The following PSME3IP1 variants were observed in gnomAD, a reference collection of about 807,000 sequenced individuals.
The protein encoded by PSME3IP1 is PSME3-interacting protein.
PSME3IP1 carries 13 observed loss-of-function variants against 34.1 expected under a neutral mutation model. The ratio of observed to expected loss-of-function variants is 0.38; its 90% CI spans 0.25 to 0.61. The LOEUF (loss-of-function observed/expected upper bound fraction) is 0.61. Ranked by LOEUF, PSME3IP1 falls within the 20% of genes least tolerant of loss-of-function variation. The pLI, the probability that PSME3IP1 is intolerant of heterozygous loss-of-function variation, is 0.60. For synonymous variants in PSME3IP1, 93 were observed against 114.3 expected, an observed-to-expected ratio of 0.81 and a Z score of 1.19; for missense variants, 237 against 301.4, an observed-to-expected ratio of 0.79 and a Z score of 1.58.
Position 57,185,954 on chromosome 16 carries a change from G to GA in PSME3IP1, c.-150dup. 3.1e-6 allele frequency: 3 copies of GA among 980,990 alleles called. No individual in the cohort carries two copies. Among genetic ancestry groups the GA allele is most frequent in the Non-Finnish European group, 3.6e-6 (3 of 827,836 alleles). The allele number at this position is 980,990 out of a possible 1,614,324, so 60.8% of individuals were successfully genotyped here. A position where few individuals can be genotyped will look rare whatever the true frequency, so the allele number is the denominator to read the frequency against. The stretch of plus-strand genomic sequence containing the variant: ...GAAAGAAACAGAGGAAGGAATGAAT[G>GA]AAAGAAAGAAAAAAAAAAAGAAAAT... On this transcript the variant is annotated 5_prime_UTR_variant, in exon 1 of 7. Coordinates refer to ENST00000309137, the MANE Select transcript of PSME3IP1 (RefSeq NM_024946.4).
At chr16:57,162,003 C>T (rs1597613953) in intron 6 of PSME3IP1, among the ~76,000 whole-genome samples, 1 of 152,046 alleles carries the variant, frequency 6.6e-6, no homozygotes, top group African/African-American at 2.4e-5. Flanking sequence ...CTCCCAGGTT[C>T]AAACGATTCT....
intron 6 of PSME3IP1, among the ~76,000 whole-genome samples, chr16:57,162,835 T>C (rs976416632): frequency 1.3e-5 from 2 of 152,060 alleles, no homozygotes; most frequent in South Asian, 2.1e-4. Context: ...ATATTTACAA[T>C]TGCTTGCACA....
rs566825718 is a variant in PSME3IP1 at position 57,174,655 on chromosome 16, C to G, written c.-15-786G>C. Reference sequence around the variant, plus strand: ...CTCCAAGTAGATTAAGATGGAGAATCTCAGCTATTGAAGACTTAGTGTTCA... The same window carrying G: ...CTCCAAGTAGATTAAGATGGAGAATGTCAGCTATTGAAGACTTAGTGTTCA... On this transcript the variant is annotated intron_variant, in intron 1 of 6. Transcript: ENST00000309137. 62 of 985,454 alleles carry G rather than the reference C, an allele frequency of 6.3e-5. No homozygotes were observed. The African/African-American group carries it at 1.0e-3, about 16-fold the overall frequency. 61.0% of individuals were successfully genotyped at this position (985,454 alleles called of 1,614,324 possible).
At chr16:57,162,486 G>T (rs1295047881) in intron 6 of PSME3IP1, among the ~76,000 whole-genome samples, 1 of 151,784 alleles carries the variant, frequency 6.6e-6, no homozygotes, top group African/African-American at 2.4e-5. Context: ...CCAACATGGC[G>T]AAATCCCGTC....
At position 57,185,711 on chromosome 16, in the gene PSME3IP1, G is replaced by A. The variant is rs986490636; in HGVS notation, c.-16+110C>T. The A allele has an allele frequency of 2.6e-5, 26 of 985,380 alleles. No homozygotes were observed. In the African/African-American group the frequency reaches 4.2e-4, roughly 16 times the overall value. 61.0% of individuals were successfully genotyped at this position (985,380 alleles called of 1,614,324 possible). On this transcript the variant is annotated intron_variant, in intron 1 of 6. Coordinates refer to ENST00000309137, the MANE Select transcript of PSME3IP1 (RefSeq NM_024946.4). ...ACTCCGGACAAGGAGCGGGTGCGCG[G>A]ACTGAGAACAGGCCTGGCCCTAACC...
At chr16:57,185,678 C>T (rs1464874110) in intron 1 of PSME3IP1, 143 bp downstream of exon 1, 2 of 985,450 alleles carry the variant, frequency 2.0e-6, no homozygotes, top group African/African-American at 3.5e-5. Context: ...AAGCCCCAGG[C>T]TTCGGCTACT....
At chr16:57,162,059 A>G (rs2071317181) in intron 6 of PSME3IP1, among the ~76,000 whole-genome samples, 1 of 152,042 alleles carries the variant, frequency 6.6e-6, no homozygotes, top group Non-Finnish European at 1.5e-5. Flanking sequence ...CATAGCCAGC[A>G]GCCCGACTAA....
intron 1 of PSME3IP1, among the ~76,000 whole-genome samples, chr16:57,177,755 T>C (rs1197054415): frequency 6.6e-6 from 1 of 152,144 alleles, no homozygotes; most frequent in Non-Finnish European, 1.5e-5. Flanking sequence ...CTCATGCCTA[T>C]AATCCCAACA....
chr16:57,184,917 T>C (rs1371793523), intron 1 of PSME3IP1, among the ~76,000 whole-genome samples: 2 of 152,256 alleles, frequency 1.3e-5, no homozygotes, highest in Non-Finnish European at 2.9e-5. Context: ...GTCGGCTCAA[T>C]ACTTTGTATC....
At position 57,174,023 on chromosome 16, in the gene PSME3IP1, C is replaced by T. The variant is rs184770519; in HGVS notation, c.-15-154G>A. The T allele has an allele frequency of 1.7e-4, 125 of 744,948 alleles. 2 individuals carry two copies. Among genetic ancestry groups the T allele is most frequent in the East Asian group, 1.1e-3 (37 of 32,936 alleles). 46.1% of individuals were successfully genotyped at this position (744,948 alleles called of 1,614,324 possible). A position where few individuals can be genotyped will look rare whatever the true frequency, so the allele number is the denominator to read the frequency against. ...AATTGAAAAAATTCTCGGCCGGGTG[C>T]GGTGGCTCATGCCTGTAATCCTGGC... is the stretch of plus-strand genomic sequence containing the variant. On this transcript the variant is annotated intron_variant, in intron 1 of 6. Transcript: ENST00000309137.
intron 6 of PSME3IP1, among the ~76,000 whole-genome samples, chr16:57,156,983 G>C (rs1437393046): frequency 1.3e-5 from 2 of 152,200 alleles, no homozygotes; most frequent in Non-Finnish European, 2.9e-5. Context: ...TAGATGACTA[G>C]TTAAGTAATG....
chr16:57,178,654 A>G, intron 1 of PSME3IP1: 4 of 985,362 alleles, frequency 4.1e-6, no homozygotes, highest in Non-Finnish European at 4.8e-6. Flanking sequence ...ATTCTATTCA[A>G]ACGCCATACA....
Position 57,172,404 on chromosome 16 carries a change from C to A in PSME3IP1, c.227-32G>T, listed in dbSNP as rs2072691873. The A allele has an allele frequency of 6.2e-7, 1 of 1,607,104 alleles. No individual in the cohort carries two copies. The highest frequency in any genetic ancestry group is 2.2e-5 in the East Asian group (1 of 44,802). On this transcript the variant is annotated intron_variant, in intron 3 of 6. Transcript: ENST00000309137. Reference sequence around the variant, plus strand: ...AAATAATTAAACAAGGCACACTTAGCAGGCTAAAGGGAAAAATAAGATTTT... The same window carrying A: ...AAATAATTAAACAAGGCACACTTAGAAGGCTAAAGGGAAAAATAAGATTTT...
chr16:57,161,929 A>T (rs1195062252), intron 6 of PSME3IP1, among the ~76,000 whole-genome samples: 3 of 152,088 alleles, frequency 2.0e-5, no homozygotes, highest in African/African-American at 7.2e-5. Context: ...TTTGAGACAG[A>T]GTCTCGCTCT....
At chr16:57,162,564 T>C (rs897819708) in intron 6 of PSME3IP1, among the ~76,000 whole-genome samples, 14 of 151,188 alleles carry the variant, frequency 9.3e-5, no homozygotes, top group East Asian at 3.9e-4. Flanking sequence ...ACCTGGGTGG[T>C]TGAGGCATGA....
At chr16:57,163,527 G>A (rs1448272774) in intron 6 of PSME3IP1, among the ~76,000 whole-genome samples, 3 of 152,118 alleles carry the variant, frequency 2.0e-5, no homozygotes, top group South Asian at 2.1e-4. Context: ...TTAATACAGA[G>A]GCAGATTTCA....
rs1319490201 is a variant in PSME3IP1 at position 57,153,031 on chromosome 16, CAATT to C, written c.*1255_*1258del. ...AGTCTCACACCCAAGAAAGTAAAAACAATTGATGTAGGAATAAGGGGAATGGATA... is the reference window on the plus strand; with the variant it reads ...AGTCTCACACCCAAGAAAGTAAAAACGATGTAGGAATAAGGGGAATGGATA... On this transcript the variant is annotated 3_prime_UTR_variant, in exon 7 of 7. Transcript: ENST00000309137. The C allele has an allele frequency of 6.6e-6, 1 of 152,648 alleles. No homozygotes were observed. Among genetic ancestry groups the C allele is most frequent in the Non-Finnish European group, 1.5e-5 (1 of 68,046 alleles). 9.5% of individuals were successfully genotyped at this position (152,648 alleles called of 1,614,324 possible). A position where few individuals can be genotyped will look rare whatever the true frequency, so the allele number is the denominator to read the frequency against.
In PSME3IP1 at chr16:57,154,214, G is replaced by A; in HGVS notation, c.*76C>T. 8.0e-7 allele frequency: 1 copy of A among 1,249,222 alleles called. No homozygotes were observed. The highest frequency in any genetic ancestry group is 1.5e-5 in the African/African-American group (1 of 66,480). 77.4% of individuals were successfully genotyped at this position (1,249,222 alleles called of 1,614,324 possible). On this transcript the variant is annotated 3_prime_UTR_variant, in exon 7 of 7. Transcript: ENST00000309137. This position sits in a 1 kb window ranked among gnomAD's most constrained non-coding sequence, Gnocchi z 4.0. ...GCAGGCAAAGGAGTTTTTTTTTGAGGGACATAATGCCTATAGGCAGCATGA... is the reference window on the plus strand; with the variant it reads ...GCAGGCAAAGGAGTTTTTTTTTGAGAGACATAATGCCTATAGGCAGCATGA...
chr16:57,185,267 TCA>T (rs2074067067), intron 1 of PSME3IP1, among the ~76,000 whole-genome samples: 1 of 152,186 alleles, frequency 6.6e-6, no homozygotes, highest in Non-Finnish European at 1.5e-5. Flanking sequence ...GGACTGACAG[TCA>T]CAAGGACCAC....
Sources: gnomAD v4.1 joint callset for allele counts (sites outside exome capture counted in the v4.1 genomes callset) on GRCh38, gnomAD v4.1.1 for gene constraint, Gnocchi (gnomAD v3.1) non-coding constraint, MANE v1.5 for transcripts, NCBI Gene and HGNC (gene_info 2026-07-23, HGNC 2026-07-21) for gene names.